Variants in DNAAF5 observed in about 807,000 individuals in gnomAD.
DNAAF5 encodes HEAT repeat containing 2.
In DNAAF5, 64 loss-of-function variants were observed where a neutral mutation model predicts 75.8. That is an observed-to-expected ratio of 0.84 (90% CI 0.69 to 1.04). DNAAF5 has a LOEUF of 1.04. Ranked by LOEUF, DNAAF5 falls within the 50% of genes least tolerant of loss-of-function variation. DNAAF5 has a pLI of 0.00. For synonymous variants in DNAAF5, 657 were observed against 557.2 expected (o/e 1.18, Z -2.52); for missense variants, 1,269 against 1,178.5 (o/e 1.08, Z -1.12).
chr7:767,392 C>G (rs748571505), intron 8 of DNAAF5, among the ~76,000 whole-genome samples: 45 of 152,286 alleles, frequency 3.0e-4, no homozygotes, highest in Middle Eastern at 3.4e-3. Flanking sequence ...TGTCTTCACT[C>G]CTTTCATCCA....
At chr7:767,053 C>G (rs1455245856) in intron 8 of DNAAF5, among the ~76,000 whole-genome samples, 1 of 151,890 alleles carries the variant, frequency 6.6e-6, no homozygotes, top group Non-Finnish European at 1.5e-5. Flanking sequence ...TCCTGGCTAA[C>G]ATGATGAAAC....
intron 6 of DNAAF5, 89 bp downstream of exon 6, chr7:757,083 C>G: frequency 1.5e-6 from 2 of 1,299,404 alleles, no homozygotes; most frequent in Non-Finnish European, 2.1e-6. Flanking sequence ...TGTGGGTTGC[C>G]CTGTGCCGCC....
Position 763,795 on chromosome 7 carries a change from G to T in DNAAF5, c.1615-11G>T, listed in dbSNP as rs1052345726. ...TTGGAATTGTCTCAGTCTCTGACTT[G>T]TAACCTCCAGGCACAGGAGACGATG... On this transcript the variant is annotated splice_polypyrimidine_tract_variant and intron_variant, in intron 7 of 12. Coordinates refer to ENST00000297440, the MANE Select transcript of DNAAF5 (RefSeq NM_017802.4). The T allele has an allele frequency of 6.2e-7, 1 of 1,612,766 alleles. No individual in the cohort carries two copies. The highest frequency in any genetic ancestry group is 8.5e-7 in the Non-Finnish European group (1 of 1,179,808).
At chr7:741,683 A>G (rs1386404627) in intron 4 of DNAAF5, among the ~76,000 whole-genome samples, 1 of 151,970 alleles carries the variant, frequency 6.6e-6, no homozygotes, top group South Asian at 2.1e-4. Context: ...CCTTGCAGTG[A>G]CCTCTCCCCT....
At chr7:749,568 GA>G (rs1782224250) in intron 4 of DNAAF5, among the ~76,000 whole-genome samples, 1 of 152,246 alleles carries the variant, frequency 6.6e-6, no homozygotes, top group South Asian at 2.1e-4. Context: ...ATGGAAGCTT[GA>G]ATGGAAATTG....
chr7:770,775 G>A, intron 9 of DNAAF5, 157 bp downstream of exon 9: 1 of 692,468 alleles, frequency 1.4e-6, no homozygotes, highest in South Asian at 2.5e-5. Flanking sequence ...CCCACACTGA[G>A]TCAAAGGTGG....
chr7:739,578 T>A (rs1339899775), intron 2 of DNAAF5, among the ~76,000 whole-genome samples: 2 of 152,220 alleles, frequency 1.3e-5, no homozygotes, highest in African/African-American at 4.8e-5. Context: ...CCTCGCGTGC[T>A]TCCCTGCTGC....
chr7:743,610 CT>C (rs1461185378), intron 4 of DNAAF5, among the ~76,000 whole-genome samples: 1 of 149,542 alleles, frequency 6.7e-6, no homozygotes, highest in Non-Finnish European at 1.5e-5. Flanking sequence ...AAGGTTTGTT[CT>C]GATGGAGTGA....
chr7:731,092 T>A (rs1233207870), intron 2 of DNAAF5, among the ~76,000 whole-genome samples: 1 of 152,206 alleles, frequency 6.6e-6, no homozygotes, highest in Admixed American at 6.5e-5. Flanking sequence ...GGCGGCCGGC[T>A]GGTTTTTCTC....
intron 6 of DNAAF5, among the ~76,000 whole-genome samples, chr7:757,704 T>A (rs1293521394): frequency 6.6e-6 from 1 of 152,246 alleles, no homozygotes; most frequent in Non-Finnish European, 1.5e-5. Flanking sequence ...TTGCTTTCAT[T>A]TGAAGGTGAG....
chr7:776,918 T>A (rs547731791), intron 11 of DNAAF5, among the ~76,000 whole-genome samples: 3 of 152,186 alleles, frequency 2.0e-5, no homozygotes, highest in Admixed American at 1.3e-4. Flanking sequence ...CCACCTGAGC[T>A]CTGCCTCCTG....
chr7:779,928 C>T (rs767345770), intron 11 of DNAAF5, 25 bp from the exon 12 acceptor site: 1 of 1,604,622 alleles, frequency 6.2e-7, no homozygotes. Flanking sequence ...TAGACTCACA[C>T]ACCTGTCTCG....
intron 12 of DNAAF5, among the ~76,000 whole-genome samples, chr7:781,548 C>T (rs903011147): frequency 1.3e-5 from 2 of 150,574 alleles, no homozygotes; most frequent in Non-Finnish European, 3.0e-5. Flanking sequence ...GTGGGATTGC[C>T]GGGCTGTATG....
Position 775,136 on chromosome 7 carries a change from C to G in DNAAF5, c.2213C>G (p.Pro738Arg). The G allele has an allele frequency of 6.2e-7, 1 of 1,614,124 alleles. No homozygotes were observed. Among genetic ancestry groups the G allele is most frequent in the South Asian group, 1.1e-5 (1 of 91,076 alleles). Residue 738 changes from proline (P) to arginine (R), a missense_variant, in exon 11 of 13, where the codon CCA (proline) becomes CGA (arginine). Coordinates refer to ENST00000297440, the MANE Select transcript of DNAAF5 (RefSeq NM_017802.4). ...FLKTSGGMTDPEKLIRIYPEL... is the reference protein window; with the variant it reads ...FLKTSGGMTDREKLIRIYPEL... ...AAAACCTCGGGCGGCATGACGGATCCAGAGAAACTCATCAGGATTTATCCT... is the reference window on the plus strand; with the variant it reads ...AAAACCTCGGGCGGCATGACGGATCGAGAGAAACTCATCAGGATTTATCCT...
At chr7:727,980 C>T (rs778578134) in intron 1 of DNAAF5, among the ~76,000 whole-genome samples, 1 of 151,826 alleles carries the variant, frequency 6.6e-6, no homozygotes, top group Admixed American at 6.6e-5. Flanking sequence ...TGGTTGAGGG[C>T]ACGCGCTTTG....
At chr7:760,054 TCCGAGGGAGACGGGGCCGCGCGGC>T (rs1782595999) in intron 6 of DNAAF5, among the ~76,000 whole-genome samples, 1 of 147,384 alleles carries the variant, frequency 6.8e-6, no homozygotes, top group Non-Finnish European at 1.5e-5. Flanking sequence ...CTCCTCCAGC[TCCGAGGGAGACGGGGCCGCGCGGC>T]TCCTCCAGCT....
At chr7:775,374 G>A (rs540019265) in intron 11 of DNAAF5, among the ~76,000 whole-genome samples, 4 of 152,166 alleles carry the variant, frequency 2.6e-5, no homozygotes, top group East Asian at 1.9e-4. Context: ...GCCATACCCC[G>A]ATCTCAACAA....
chr7:770,321 C>T (rs1246043674), intron 8 of DNAAF5, 150 bp from the exon 9 acceptor site: 6 of 645,244 alleles, frequency 9.3e-6, no homozygotes, highest in Non-Finnish European at 1.0e-5. Context: ...CTGTGATAAT[C>T]ACCTTACTGA....
chr7:757,146 C>A, intron 6 of DNAAF5, 152 bp downstream of exon 6: 1 of 733,350 alleles, frequency 1.4e-6, no homozygotes, highest in Non-Finnish European at 2.2e-6. Context: ...CGCCCCGTGC[C>A]GCCAGGCCGG....
Sources: allele counts gnomAD v4.1 joint callset (sites outside exome capture counted in the v4.1 genomes callset), GRCh38; gene constraint gnomAD v4.1.1; transcripts MANE v1.5; gene names NCBI Gene and HGNC (gene_info 2026-07-23, HGNC 2026-07-21).